The following CACNA1I variants were observed in gnomAD, a reference collection of about 807,000 sequenced individuals.
CACNA1I encodes calcium voltage-gated channel subunit alpha1 I, also known as voltage-dependent T-type calcium channel subunit alpha-1I.
In CACNA1I, 74 loss-of-function variants were observed where a neutral mutation model predicts 201.6. That is an observed-to-expected ratio of 0.37 (90% CI 0.30 to 0.45). The LOEUF (loss-of-function observed/expected upper bound fraction) is 0.45. Among genes scored for constraint, CACNA1I ranks in the 20% least tolerant of loss-of-function variants. The pLI is 1.00. For synonymous variants in CACNA1I, 1,431 were observed against 1,345.2 expected, an observed-to-expected ratio of 1.06 and a Z score of -1.40; for missense variants, 2,346 against 3,138.1, an observed-to-expected ratio of 0.75 and a Z score of 6.03.
Position 39,689,706 on chromosome 22 carries a change from T to G in CACNA1I, c.*3301T>G, listed in dbSNP as rs1240382047. ...GCGGCAGCCACCACCAGTGTTGTTT[T>G]GAATAAAAGCCCAGAAGCCTATTTA... is the stretch of plus-strand genomic sequence containing the variant. On this transcript the variant is annotated 3_prime_UTR_variant, in exon 37 of 37. Transcript: ENST00000402142. 1 of 152,722 alleles carries G rather than the reference T, an allele frequency of 6.5e-6. No homozygotes were observed. The highest frequency in any genetic ancestry group is 1.5e-5 in the Non-Finnish European group (1 of 68,060). The allele number at this position is 152,722 out of a possible 1,614,324, so 9.5% of individuals were successfully genotyped here. A position where few individuals can be genotyped will look rare whatever the true frequency, so the allele number is the denominator to read the frequency against.
At chr22:39,630,176 G>A (rs1209499820) in intron 4 of CACNA1I, among the ~76,000 whole-genome samples, 1 of 152,146 alleles carries the variant, frequency 6.6e-6, no homozygotes, top group Non-Finnish European at 1.5e-5. Context: ...TCTCTGCTCA[G>A]CATCATCCTG....
At position 39,677,905 on chromosome 22, in the gene CACNA1I, G is replaced by A. The variant is rs1183462228; in HGVS notation, c.4934-82G>A. On this transcript the variant is annotated intron_variant, in intron 30 of 36. Coordinates refer to ENST00000402142, the MANE Select transcript of CACNA1I (RefSeq NM_021096.4). This position sits in a 1 kb window ranked among gnomAD's most constrained non-coding sequence, Gnocchi z 4.8. ...TCCTAGGGTGTGATGAGGGTTCTGA[G>A]GCGAGGCGGGAGGCACCAGGTCAGG... 1.4e-6 allele frequency: 2 copies of A among 1,468,068 alleles called. No homozygotes were observed. Among genetic ancestry groups the A allele is most frequent in the African/African-American group, 2.8e-5 (2 of 71,922 alleles). 90.9% of individuals were successfully genotyped at this position (1,468,068 alleles called of 1,614,324 possible).
chr22:39,660,517 A>G lies in CACNA1I; in HGVS notation c.2698+80A>G, dbSNP rs1934972836. The G allele has an allele frequency of 1.1e-5, 10 of 883,644 alleles. No individual in the cohort carries two copies. In the South Asian group the frequency reaches 1.7e-4, roughly 15 times the overall value. The allele number at this position is 883,644 out of a possible 1,614,324, so 54.7% of individuals were successfully genotyped here. ...AGGTGGGCAGAGGGTACAGCGTCTG[A>G]CTCCACCTCAAGCCCAGGCTCAGGG... On this transcript the variant is annotated intron_variant, in intron 15 of 36. Coordinates refer to ENST00000402142, the MANE Select transcript of CACNA1I (RefSeq NM_021096.4).
intron 10 of CACNA1I, chr22:39,656,830 G>T: frequency 2.0e-6 from 1 of 511,904 alleles, no homozygotes; most frequent in South Asian, 1.4e-5. Context: ...TCTGTAAAAC[G>T]GAGAGGCTAA....
chr22:39,660,656 C>T (rs1057039469), intron 15 of CACNA1I, among the ~76,000 whole-genome samples: 1 of 152,186 alleles, frequency 6.6e-6, no homozygotes, highest in African/African-American at 2.4e-5. Context: ...CAGGGGTAGC[C>T]GCAGCCCACC....
chr22:39,643,045 C>A (rs1006394418), intron 7 of CACNA1I, among the ~76,000 whole-genome samples, 156 bp downstream of exon 7: 3 of 152,192 alleles, frequency 2.0e-5, no homozygotes, highest in Admixed American at 6.5e-5. Flanking sequence ...CACCACCGGG[C>A]AGCAGATGAT....
In CACNA1I at chr22:39,664,846, C is replaced by T; in HGVS notation, c.3774C>T (p.Ser1258=). 6.2e-7 allele frequency: 1 copy of T among 1,613,182 alleles called. No individual in the cohort carries two copies. The highest frequency in any genetic ancestry group is 1.7e-5 in the Admixed American group (1 of 60,020). Residue 1258 remains serine, a synonymous_variant, in exon 21 of 37, where the codon TCC becomes TCT. Transcript: ENST00000402142. The stretch of plus-strand genomic sequence containing the variant: ...TGTCCATCATCGACATCGTGGTGTC[C>T]CTGGCCTCAGCCGGGGGAGCCAAGA... ...VFVSIIDIVV[S]LASAGGAKIL...
intron 29 of CACNA1I, among the ~76,000 whole-genome samples, chr22:39,675,889 G>A (rs3788576): frequency 0.42 from 63,355 of 152,092 alleles, 15,416 homozygotes; most frequent in East Asian, 0.96. Context: ...AGGCTGGGAG[G>A]GGGGTCCCTG....
At chr22:39,650,044 G>A in intron 10 of CACNA1I, 119 bp downstream of exon 10, 1 of 1,092,246 alleles carries the variant, frequency 9.2e-7, no homozygotes, top group Non-Finnish European at 1.3e-6. Context: ...ACCTAGAAGT[G>A]CCGGGCTGAG....
At position 39,648,769 on chromosome 22, in the gene CACNA1I, G is replaced by T. The variant is rs1934564040; in HGVS notation, c.1568-732G>T. ...GAAGGCATTAAACCAAGCAGAGAGAGGCCTCTCTGACACCTCTTTGAGATG... is the reference window on the plus strand; with the variant it reads ...GAAGGCATTAAACCAAGCAGAGAGATGCCTCTCTGACACCTCTTTGAGATG... On this transcript the variant is annotated intron_variant, in intron 9 of 36. Transcript: ENST00000402142. This position sits in a 1 kb window ranked among gnomAD's most constrained non-coding sequence, Gnocchi z 5.4. Among the ~76,000 whole-genome samples the T allele has an allele frequency of 6.6e-6, 1 of 152,072 alleles. No homozygotes were observed. Among genetic ancestry groups the T allele is most frequent in the Non-Finnish European group, 1.5e-5 (1 of 68,006 alleles).
chr22:39,625,853 C>T (rs1024434928), intron 4 of CACNA1I, among the ~76,000 whole-genome samples: 3 of 151,738 alleles, frequency 2.0e-5, no homozygotes, highest in Middle Eastern at 3.4e-3. Flanking sequence ...CCACCCCCAG[C>T]CTGTACATCT....
Position 39,661,191 on chromosome 22 carries a change from G to A in CACNA1I, c.2782G>A (p.Gly928Arg). Reference sequence around the variant, plus strand: ...ACTGGGTGGGCACCTAGGTCCTGCTGGGGCTGCGGGACCTGCCCCCCGACT... The same window carrying A: ...ACTGGGTGGGCACCTAGGTCCTGCTAGGGCTGCGGGACCTGCCCCCCGACT... ...LPLGGHLGPAGAAGPAPRLSL... is the reference protein window; with the variant it reads ...LPLGGHLGPARAAGPAPRLSL... The change falls in exon 16 of 37, where the codon GGG becomes AGG. Residue 928 changes from glycine (G) to arginine (R), a missense_variant. Physicochemically the swap from Gly to Arg is moderately radical, Grantham distance 125 (BLOSUM62 -2). This residue lies in a region of CACNA1I where 92 missense variants were observed against 114.5 expected (regional missense o/e 0.80). Coordinates refer to ENST00000402142, the MANE Select transcript of CACNA1I (RefSeq NM_021096.4). 6.2e-7 allele frequency: 1 copy of A among 1,612,656 alleles called. No homozygotes were observed. Among genetic ancestry groups the A allele is most frequent in the Non-Finnish European group, 8.5e-7 (1 of 1,179,568 alleles).
chr22:39,592,388 T>C (rs1258927885), intron 1 of CACNA1I, among the ~76,000 whole-genome samples: 1 of 152,170 alleles, frequency 6.6e-6, no homozygotes, highest in Non-Finnish European at 1.5e-5. Context: ...GGTGAGTCTG[T>C]TGTCTAAGTG....
intron 1 of CACNA1I, among the ~76,000 whole-genome samples, chr22:39,591,381 T>C (rs147775516): frequency 0.03 from 4,585 of 151,592 alleles, 222 homozygotes; most frequent in African/African-American, 0.1. Context: ...AGGCTGGTCT[T>C]GAACTCCTGA....
chr22:39,641,734 G>A (rs981313390), intron 6 of CACNA1I, among the ~76,000 whole-genome samples: 2 of 152,218 alleles, frequency 1.3e-5, no homozygotes, highest in African/African-American at 4.8e-5. Context: ...CGTGCAAAGG[G>A]CTTGTTGCGT....
In CACNA1I at chr22:39,570,845, C is replaced by T. The variant is rs1419566575; in HGVS notation, c.93C>T (p.Pro31=). ...CGGAGCAGCCCGGACCCCGGAGCCCCCCATCCTCCCCGCCAGGCCTGGAGG... is the reference window on the plus strand; with the variant it reads ...CGGAGCAGCCCGGACCCCGGAGCCCTCCATCCTCCCCGCCAGGCCTGGAGG... The part of the protein sequence containing the change: ...VTTEQPGPRS[P]PSSPPGLEEP... Residue 31 remains proline, a synonymous_variant, in exon 1 of 37, where the codon CCC becomes CCT. Coordinates refer to ENST00000402142, the MANE Select transcript of CACNA1I (RefSeq NM_021096.4). 2 of 1,613,424 alleles carry T rather than the reference C, an allele frequency of 1.2e-6. No individual in the cohort carries two copies. The highest frequency in any genetic ancestry group is 1.7e-6 in the Non-Finnish European group (2 of 1,179,738).
chr22:39,664,480 A>C lies in CACNA1I; in HGVS notation c.3667-259A>C, dbSNP rs188608553. ...GCGCTTCCCAGGGCGGGCAGTTTTC[A>C]ATTGGATTTGCCAGAGGCACCGGGA... On this transcript the variant is annotated intron_variant, in intron 20 of 36. Transcript: ENST00000402142. Among the ~76,000 whole-genome samples, 47 of 152,136 alleles carry C rather than the reference A, an allele frequency of 3.1e-4. No individual in the cohort carries two copies. In the Middle Eastern group the frequency reaches 0.01, roughly 33 times the overall value.
intron 3 of CACNA1I, among the ~76,000 whole-genome samples, chr22:39,612,760 C>A (rs1933421907): frequency 6.6e-6 from 1 of 152,072 alleles, no homozygotes; most frequent in African/African-American, 2.4e-5. Context: ...GTGAAATGAC[C>A]CATAAATCAT....
In CACNA1I at chr22:39,596,489, G is replaced by T. The variant is rs1482659427; in HGVS notation, c.237-1662G>T. On this transcript the variant is annotated intron_variant, in intron 1 of 36. Transcript: ENST00000402142. The stretch of plus-strand genomic sequence containing the variant: ...CGGAGAGAGATGGGGGAGCAGGATG[G>T]AGAGAGATGGGGGGCAGGGTGGAGA... Among the ~76,000 whole-genome samples, 8 of 87,046 alleles carry T rather than the reference G, an allele frequency of 9.2e-5. No individual in the cohort carries two copies. The Admixed American group carries it at 9.6e-4, about 10-fold the overall frequency. 57.1% of individuals were successfully genotyped at this position (87,046 alleles called of 152,430 possible).
Sources: allele counts gnomAD v4.1 joint callset (sites outside exome capture counted in the v4.1 genomes callset), GRCh38; gene constraint gnomAD v4.1.1; regional missense constraint gnomAD v4.1.1; non-coding constraint Gnocchi (gnomAD v3.1); transcripts MANE v1.5; gene names NCBI Gene and HGNC (gene_info 2026-07-23, HGNC 2026-07-21).